The following CADM2 variants were observed in gnomAD, a reference collection of about 807,000 sequenced individuals.
The protein encoded by CADM2 is immunoglobulin superfamily member 4D.
A neutral mutation model predicts 49.8 loss-of-function variants in CADM2; 12 were observed. The observed-to-expected ratio is 0.24, with a 90% CI of 0.15 to 0.39. The LOEUF (loss-of-function observed/expected upper bound fraction) is 0.39. Ranked by LOEUF, CADM2 falls within the 10% of genes least tolerant of loss-of-function variation. CADM2 has a pLI of 1.00. For synonymous variants in CADM2, 214 were observed against 175.4 expected, an observed-to-expected ratio of 1.22 and a Z score of -1.74; for missense variants, 378 against 492.3, an observed-to-expected ratio of 0.77 and a Z score of 2.20.
intron 1 of CADM2, among the ~76,000 whole-genome samples, chr3:85,652,714 A>G (rs1265237328): frequency 2.0e-5 from 3 of 150,226 alleles, no homozygotes; most frequent in East Asian, 2.0e-4. Context: ...ATTATTTATG[A>G]CAGTATTTCC....
chr3:85,708,026 T>C (rs1271227611), intron 1 of CADM2, among the ~76,000 whole-genome samples: 1 of 152,168 alleles, frequency 6.6e-6, no homozygotes, highest in Non-Finnish European at 1.5e-5. Flanking sequence ...GAGATAGTTA[T>C]AGGAGTTTCT....
intron 3 of CADM2, among the ~76,000 whole-genome samples, chr3:85,803,109 T>C (rs2072157981): frequency 6.6e-6 from 1 of 152,138 alleles, no homozygotes. Context: ...AGTCCACCTT[T>C]AATATGTATT....
At chr3:86,001,781 G>GT (rs1251846961) in intron 8 of CADM2, among the ~76,000 whole-genome samples, 6 of 152,110 alleles carry the variant, frequency 3.9e-5, no homozygotes, top group Non-Finnish European at 2.9e-5. Context: ...ATTAAGAAAG[G>GT]TTTTTAAATG....
intron 1 of CADM2, among the ~76,000 whole-genome samples, chr3:84,979,645 T>A (rs2032043486): frequency 6.6e-6 from 1 of 152,002 alleles, no homozygotes; most frequent in Non-Finnish European, 1.5e-5. Flanking sequence ...TAAATGAAGA[T>A]GATTTTACAC....
At chr3:85,707,124 G>A (rs1170418416) in intron 1 of CADM2, among the ~76,000 whole-genome samples, 3 of 151,832 alleles carry the variant, frequency 2.0e-5, no homozygotes, top group Admixed American at 1.3e-4. Context: ...GAGCCACCAA[G>A]CCCAACCTTA....
At chr3:85,217,363 G>A (rs2041951365) in intron 1 of CADM2, among the ~76,000 whole-genome samples, 1 of 151,874 alleles carries the variant, frequency 6.6e-6, no homozygotes, top group African/African-American at 2.4e-5. Context: ...GTATGTCATT[G>A]TAGAATTATA....
chr3:85,870,367 G>T (rs2108351360), intron 3 of CADM2, among the ~76,000 whole-genome samples: 1 of 151,970 alleles, frequency 6.6e-6, no homozygotes, highest in East Asian at 1.9e-4. Context: ...CTTGAGCCTA[G>T]CACCCACTAA....
intron 1 of CADM2, among the ~76,000 whole-genome samples, chr3:85,294,904 C>T (rs1358292849): frequency 6.6e-6 from 1 of 152,074 alleles, no homozygotes; most frequent in African/African-American, 2.4e-5. Context: ...ACTAAAACAC[C>T]AAAAGCAATG....
At chr3:85,452,908 T>C (rs1228884343) in intron 1 of CADM2, among the ~76,000 whole-genome samples, 1 of 152,076 alleles carries the variant, frequency 6.6e-6, no homozygotes, top group Non-Finnish European at 1.5e-5. Context: ...TATAGACACA[T>C]ACAAAGGCAT....
chr3:85,700,286 G>C (rs1298533600), intron 1 of CADM2, among the ~76,000 whole-genome samples: 4 of 152,210 alleles, frequency 2.6e-5, no homozygotes, highest in Non-Finnish European at 1.5e-5. Context: ...GTTGAACAAT[G>C]AGAACACATG....
chr3:85,274,157 A>G (rs2043306264), intron 1 of CADM2, among the ~76,000 whole-genome samples: 1 of 151,462 alleles, frequency 6.6e-6, no homozygotes, highest in South Asian at 2.1e-4. Flanking sequence ...GCTGTAAGTT[A>G]AAGAGAAAAT....
chr3:85,438,723 A>T (rs1192504697), intron 1 of CADM2, among the ~76,000 whole-genome samples: 1 of 151,970 alleles, frequency 6.6e-6, no homozygotes, highest in African/African-American at 2.4e-5. Flanking sequence ...CCCAGGTTGT[A>T]GTGCAAGGGC....
chr3:85,788,924 T>C (rs2071167286), intron 2 of CADM2, among the ~76,000 whole-genome samples: 1 of 152,118 alleles, frequency 6.6e-6, no homozygotes, highest in Admixed American at 6.6e-5. Flanking sequence ...TTATTGAACT[T>C]ATGTAATTTT....
At chr3:85,479,819 A>G (rs1041621119) in intron 1 of CADM2, among the ~76,000 whole-genome samples, 4 of 151,912 alleles carry the variant, frequency 2.6e-5, no homozygotes, top group African/African-American at 9.7e-5. Flanking sequence ...GGAGAAAAGG[A>G]TATGTCCTGT....
intron 8 of CADM2, among the ~76,000 whole-genome samples, chr3:86,038,968 TG>T (rs1199387925): frequency 6.6e-6 from 1 of 152,172 alleles, no homozygotes; most frequent in African/African-American, 2.4e-5. Flanking sequence ...AAGGAGAATC[TG>T]GAAGGTAGAA....
intron 2 of CADM2, among the ~76,000 whole-genome samples, chr3:85,799,255 C>A (rs562037002): frequency 3.9e-5 from 6 of 152,084 alleles, no homozygotes; most frequent in African/African-American, 7.2e-5. Flanking sequence ...ATTTGAATAC[C>A]CTTTATTTCT....
chr3:85,543,692 G>A (rs2061602704), intron 1 of CADM2, among the ~76,000 whole-genome samples: 1 of 152,102 alleles, frequency 6.6e-6, no homozygotes, highest in Non-Finnish European at 1.5e-5. Context: ...ATGCTGAAAG[G>A]CTATGATCAA....
intron 5 of CADM2, among the ~76,000 whole-genome samples, chr3:85,899,713 T>C (rs1370739098): frequency 6.6e-6 from 1 of 152,190 alleles, no homozygotes; most frequent in African/African-American, 2.4e-5. Flanking sequence ...TTCCTGTTTA[T>C]TGATGTAAAA....
At position 85,630,919 on chromosome 3, in the gene CADM2, G is replaced by GA. The variant is rs1024493861; in HGVS notation, c.62-95593dup. Among the ~76,000 whole-genome samples the GA allele has an allele frequency of 2.1e-3, 308 of 145,396 alleles. 1 individual carries two copies. Among genetic ancestry groups the GA allele is most frequent in the African/African-American group, 5.7e-3 (227 of 39,790 alleles). Reference sequence around the variant, plus strand: ...CTCTAATAGCTTTGTATTACAATTAGAAAAAAAAAAGAAAGAAAACCTTCC... The same window carrying GA: ...CTCTAATAGCTTTGTATTACAATTAGAAAAAAAAAAAGAAAGAAAACCTTCC... On this transcript the variant is annotated intron_variant, in intron 1 of 9. Transcript: ENST00000383699.
Sources: gnomAD v4.1 joint callset for allele counts (sites outside exome capture counted in the v4.1 genomes callset) on GRCh38, gnomAD v4.1.1 for gene constraint, MANE v1.5 for transcripts, NCBI Gene and HGNC (gene_info 2026-07-23, HGNC 2026-07-21) for gene names.